The following TSHR variants were observed in gnomAD, a reference collection of about 807,000 sequenced individuals.
TSHR encodes thyrotropin receptor.
Under a neutral mutation model 64.1 loss-of-function variants are expected in TSHR, and 51 were observed. That is an observed-to-expected ratio of 0.80 (90% CI 0.64 to 1.01). The LOEUF (loss-of-function observed/expected upper bound fraction) is 1.01. TSHR is among the 50% of genes least tolerant of loss of function. The pLI is 0.00. For missense variants in TSHR, 877 were observed against 942.8 expected (o/e 0.93, Z 0.91); for synonymous variants, 361 against 361.9 (o/e 1.00, Z 0.03).
intron 1 of TSHR, among the ~76,000 whole-genome samples, chr14:81,009,269 G>C (rs958106180): frequency 2.2e-4 from 33 of 152,108 alleles, no homozygotes; most frequent in African/African-American, 7.2e-4. Flanking sequence ...TTCCAAGTTG[G>C]CAAAACGTTT....
intron 3 of TSHR, chr14:81,068,621 T>C (rs1216114537): frequency 2.4e-6 from 1 of 412,644 alleles, no homozygotes; most frequent in Non-Finnish European, 4.6e-6. Context: ...AGTGAGACAA[T>C]AGGTATTTAC....
intron 1 of TSHR, chr14:81,001,404 T>A (rs960802553): frequency 3.8e-5 from 16 of 421,072 alleles, no homozygotes; most frequent in Non-Finnish European, 7.0e-5. Flanking sequence ...AATCCGACCA[T>A]GAGCTCTATA....
At chr14:81,079,522 C>T (rs989601143) in intron 3 of TSHR, among the ~76,000 whole-genome samples, 6 of 152,126 alleles carry the variant, frequency 3.9e-5, no homozygotes, top group Admixed American at 3.3e-4. Context: ...ACTGCAATGC[C>T]ATAAAATCTC....
chr14:81,059,570 G>T (rs185748293), intron 1 of TSHR, among the ~76,000 whole-genome samples: 2 of 152,014 alleles, frequency 1.3e-5, no homozygotes, highest in South Asian at 2.1e-4. Flanking sequence ...TTGTCCCAGC[G>T]TGTTATCATG....
At chr14:81,133,675 G>C (rs1348489955) in intron 8 of TSHR, among the ~76,000 whole-genome samples, 1 of 152,092 alleles carries the variant, frequency 6.6e-6, no homozygotes, top group Non-Finnish European at 1.5e-5. Flanking sequence ...CTAAAGCAAA[G>C]TCTGCCAACA....
In TSHR at chr14:81,143,429, C is replaced by G; in HGVS notation, c.1371C>G (p.Ala457=). The G allele has an allele frequency of 6.2e-7, 1 of 1,614,194 alleles. No homozygotes were observed. ...CCCGCTTTCTCATGTGCAACCTGGC[C>G]TTTGCGGATTTCTGCATGGGGATGT... is the stretch of plus-strand genomic sequence containing the variant. ...NVPRFLMCNL[A]FADFCMGMYL... Residue 457 remains alanine (A), a synonymous_variant, in exon 10 of 10, where the codon GCC becomes GCG. Coordinates refer to ENST00000298171, the MANE Select transcript of TSHR (RefSeq NM_000369.5).
At position 81,051,849 on chromosome 14, in the gene TSHR, T is replaced by C. The variant is rs1885450971; in HGVS notation, c.171-10299T>C. 7 of 152,296 alleles carry C rather than the reference T, an allele frequency of 4.6e-5. No individual in the cohort carries two copies. The South Asian group carries it at 1.4e-3, about 32-fold the overall frequency. The allele number at this position is 152,296 out of a possible 1,614,324, so 9.4% of individuals were successfully genotyped here. A position where few individuals can be genotyped will look rare whatever the true frequency, so the allele number is the denominator to read the frequency against. On this transcript the variant is annotated intron_variant, in intron 1 of 9. Transcript: ENST00000298171. Reference sequence around the variant, plus strand: ...TTTATATGTCTTCTTCTGAGAAGTGTCTATCCATGTCATTTGCCCATTTTT... The same window carrying C: ...TTTATATGTCTTCTTCTGAGAAGTGCCTATCCATGTCATTTGCCCATTTTT...
chr14:81,121,964 G>A (rs1165053413), intron 8 of TSHR, among the ~76,000 whole-genome samples: 1 of 131,536 alleles, frequency 7.6e-6, no homozygotes, highest in Non-Finnish European at 1.6e-5. Context: ...AGGATTGATA[G>A]ATTATTTGAT....
At chr14:81,114,240 G>A (rs1461000159) in intron 8 of TSHR, among the ~76,000 whole-genome samples, 1 of 152,140 alleles carries the variant, frequency 6.6e-6, no homozygotes, top group Non-Finnish European at 1.5e-5. Context: ...CAGAAGACGG[G>A]TGATTTCTGC....
At chr14:81,076,238 G>T (rs1437787624) in intron 3 of TSHR, among the ~76,000 whole-genome samples, 1 of 152,082 alleles carries the variant, frequency 6.6e-6, no homozygotes, top group Non-Finnish European at 1.5e-5. Context: ...CACAATCCTG[G>T]TTGGACTCCT....
chr14:81,088,617 C>A (rs1888471246), intron 4 of TSHR, among the ~76,000 whole-genome samples: 1 of 152,138 alleles, frequency 6.6e-6, no homozygotes, highest in African/African-American at 2.4e-5. Flanking sequence ...GCGCTCAGTA[C>A]AAATGTGTTC....
intron 1 of TSHR, among the ~76,000 whole-genome samples, chr14:80,986,413 T>C (rs1888449564): frequency 6.6e-6 from 1 of 152,212 alleles, no homozygotes; most frequent in Non-Finnish European, 1.5e-5. Context: ...TTCTCAAATC[T>C]CAAAATTAGC....
At chr14:81,097,146 G>A (rs1033436813) in intron 7 of TSHR, among the ~76,000 whole-genome samples, 2 of 152,074 alleles carry the variant, frequency 1.3e-5, no homozygotes, top group African/African-American at 4.8e-5. Flanking sequence ...AATAAATAGT[G>A]CTGGGAACAG....
intron 1 of TSHR, among the ~76,000 whole-genome samples, chr14:81,025,778 C>T (rs551914913): frequency 1.1e-4 from 16 of 152,088 alleles, no homozygotes; most frequent in African/African-American, 3.9e-4. Context: ...CCAAAAGCAA[C>T]AAGGAAATTT....
At chr14:81,109,396 G>T (rs916226222) in intron 8 of TSHR, among the ~76,000 whole-genome samples, 3 of 152,000 alleles carry the variant, frequency 2.0e-5, no homozygotes, top group Non-Finnish European at 1.5e-5. Context: ...ACGACAGAGC[G>T]AGAGTCTGTC....
chr14:80,982,440 G>A, intron 1 of TSHR: 1 of 1,199,900 alleles, frequency 8.3e-7, no homozygotes, highest in East Asian at 2.7e-5. Flanking sequence ...CTGAGGAGTT[G>A]GAGCCTGTGA....
At chr14:81,124,106 T>C (rs113000995) in intron 8 of TSHR, among the ~76,000 whole-genome samples, 4 of 152,210 alleles carry the variant, frequency 2.6e-5, no homozygotes, top group African/African-American at 9.6e-5. Context: ...TATCCTTGAG[T>C]TTTCATTACA....
intron 8 of TSHR, among the ~76,000 whole-genome samples, chr14:81,115,934 T>C (rs1233981886): frequency 6.6e-6 from 1 of 151,916 alleles, no homozygotes; most frequent in Non-Finnish European, 1.5e-5. Flanking sequence ...CAAACTAAGC[T>C]TCATAAGTGA....
intron 1 of TSHR, chr14:80,995,789 C>A (rs1208992439): frequency 2.0e-5 from 3 of 150,534 alleles, no homozygotes; most frequent in African/African-American, 7.4e-5. Context: ...CACAAGTTTA[C>A]CTGTGTAACA....
Sources: allele counts gnomAD v4.1 joint callset (sites outside exome capture counted in the v4.1 genomes callset), GRCh38; gene constraint gnomAD v4.1.1; transcripts MANE v1.5; gene names NCBI Gene and HGNC (gene_info 2026-07-23, HGNC 2026-07-21).